DLEC1: variants seen among roughly 807,000 people sequenced by gnomAD.
DLEC1 encodes deleted in lung and esophageal cancer protein 1.
DLEC1 carries 146 observed loss-of-function variants against 198.1 expected under a neutral mutation model. That is an observed-to-expected ratio of 0.74 (90% CI 0.64 to 0.85). The LOEUF (loss-of-function observed/expected upper bound fraction) is 0.85, where lower values mean the gene tolerates loss of function less well. DLEC1 is among the 40% of genes least tolerant of loss of function. The pLI is 0.00. For synonymous variants in DLEC1, 897 were observed against 866.8 expected, an observed-to-expected ratio of 1.03 and a Z score of -0.61; for missense variants, 2,233 against 2,220.0, an observed-to-expected ratio of 1.01 and a Z score of -0.12.
chr3:38,114,871 C>G, intron 26 of DLEC1, 112 bp from the exon 27 acceptor site: 1 of 924,406 alleles, frequency 1.1e-6, no homozygotes, highest in Non-Finnish European at 1.7e-6. Context: ...TCGAGTGAGG[C>G]CAGACCACTG....
intron 3 of DLEC1, among the ~76,000 whole-genome samples, chr3:38,061,273 A>G (rs1041989683): frequency 6.6e-6 from 1 of 152,078 alleles, no homozygotes; most frequent in Non-Finnish European, 1.5e-5. Flanking sequence ...CCTGGGTTCA[A>G]GCGTTTCTCC....
intron 2 of DLEC1, among the ~76,000 whole-genome samples, chr3:38,048,879 A>G (rs1193828615): frequency 6.6e-6 from 1 of 152,178 alleles, no homozygotes; most frequent in Admixed American, 6.5e-5. Context: ...CCTCCACCAC[A>G]GCACAGTGTA....
chr3:38,062,528 C>T (rs115509072), intron 4 of DLEC1, 53 bp from the exon 5 acceptor site: 4 of 1,603,892 alleles, frequency 2.5e-6, no homozygotes, highest in Non-Finnish European at 3.4e-6. Context: ...AAGATGTCAA[C>T]AAGCACAATC....
intron 6 of DLEC1, among the ~76,000 whole-genome samples, chr3:38,067,985 C>G (rs1279779770): frequency 6.6e-6 from 1 of 152,056 alleles, no homozygotes; most frequent in Non-Finnish European, 1.5e-5. Flanking sequence ...AACTCCTGAC[C>G]TCAGATGATT....
Position 38,122,558 on chromosome 3 carries a change from A to C in DLEC1, c.*146A>C, listed in dbSNP as rs763156117. Reference sequence around the variant, plus strand: ...CTGGAATGGAAGAACCCCCTTCCACAATGGTCTCAGCCTAGGCCCTCATGA... The same window carrying C: ...CTGGAATGGAAGAACCCCCTTCCACCATGGTCTCAGCCTAGGCCCTCATGA... On this transcript the variant is annotated 3_prime_UTR_variant, in exon 37 of 37. Transcript: ENST00000308059. The C allele has an allele frequency of 1.9e-6, 3 of 1,606,916 alleles. No homozygotes were observed. Among genetic ancestry groups the C allele is most frequent in the South Asian group, 1.1e-5 (1 of 90,006 alleles).
chr3:38,123,033 G>T lies in DLEC1; in HGVS notation c.*621G>T. Reference sequence around the variant, plus strand: ...CAGGACTGTCTGCGTAGCGCCTCCAGCCTGGGACCTCACTCAGTTCCCAGG... The same window carrying T: ...CAGGACTGTCTGCGTAGCGCCTCCATCCTGGGACCTCACTCAGTTCCCAGG... On this transcript the variant is annotated 3_prime_UTR_variant, in exon 37 of 37. Coordinates refer to ENST00000308059, the MANE Select transcript of DLEC1 (RefSeq NM_007335.4). 1 of 1,613,530 alleles carries T rather than the reference G, an allele frequency of 6.2e-7. No homozygotes were observed. Among genetic ancestry groups the T allele is most frequent in the South Asian group, 1.1e-5 (1 of 91,056 alleles).
intron 6 of DLEC1, among the ~76,000 whole-genome samples, chr3:38,077,152 G>A (rs1697671097): frequency 6.6e-6 from 1 of 152,210 alleles, no homozygotes. Context: ...TACTTCAAGA[G>A]TTAAGAATGG....
rs375094703 is a variant in DLEC1 at position 38,093,704 on chromosome 3, T to C, written c.1856T>C (p.Ile619Thr). Residue 619 changes from isoleucine to threonine, a missense_variant, in exon 12 of 37, where the codon ATA (isoleucine) becomes ACA (threonine). Coordinates refer to ENST00000308059, the MANE Select transcript of DLEC1 (RefSeq NM_007335.4). ...ELTDLTAQHF[I>T]RFEPENLRST... ...ACAGACTTAACAGCCCAGCACTTCA[T>C]ACGATTTGAGCCTGAAAACCTTCGG... 1.1e-5 allele frequency: 17 copies of C among 1,614,064 alleles called. No homozygotes were observed. Among genetic ancestry groups the C allele is most frequent in the Non-Finnish European group, 1.4e-5 (16 of 1,180,030 alleles).
rs763518710 is a variant in DLEC1, at chr3:38,122,220, A to G, written c.5144+26A>G. The stretch of plus-strand genomic sequence containing the variant: ...GTGCAGCCCCTTCCAACCTTCCCCA[A>G]ACTGCCCACAGAGCCTGGACCCCCT... On this transcript the variant is annotated intron_variant, in intron 36 of 36. Coordinates refer to ENST00000308059, the MANE Select transcript of DLEC1 (RefSeq NM_007335.4). 11 of 1,610,848 alleles carry G rather than the reference A, an allele frequency of 6.8e-6. No homozygotes were observed. In the South Asian group the frequency reaches 1.2e-4, roughly 18 times the overall value.
intron 1 of DLEC1, among the ~76,000 whole-genome samples, chr3:38,042,911 C>G (rs1265475597): frequency 2.6e-5 from 4 of 152,092 alleles, no homozygotes; most frequent in Non-Finnish European, 5.9e-5. Flanking sequence ...GTCATCTGTT[C>G]TTTGCTTTTC....
At position 38,084,180 on chromosome 3, in the gene DLEC1, C is replaced by A. The variant is rs778396377; in HGVS notation, c.1196C>A (p.Thr399Asn). 2 of 1,613,114 alleles carry A rather than the reference C, an allele frequency of 1.2e-6. No individual in the cohort carries two copies. The highest frequency in any genetic ancestry group is 2.2e-5 in the South Asian group (2 of 91,078). The change falls in exon 7 of 37, where the codon ACC (threonine) becomes AAC (asparagine). Residue 399 changes from threonine (T) to asparagine (N), a missense_variant. By Grantham distance (65) the Thr-to-Asn change is moderately conservative (BLOSUM62 0). Coordinates refer to ENST00000308059, the MANE Select transcript of DLEC1 (RefSeq NM_007335.4). ...CAGATGGTAATTGCGCTGCAGAACA[C>A]CACCACGACCAGCCGCTACCTGCGA... The part of the protein sequence containing the change: ...VYEMVIALQN[T>N]TTTSRYLRVL...
intron 16 of DLEC1, 47 bp downstream of exon 16, chr3:38,097,322 T>C: frequency 6.4e-7 from 1 of 1,551,572 alleles, no homozygotes; most frequent in Non-Finnish European, 8.7e-7. Context: ...TGGGGCTGGC[T>C]CAGGAAGAAA....
At chr3:38,114,116 A>G (rs991903750) in intron 25 of DLEC1, among the ~76,000 whole-genome samples, 4 of 150,832 alleles carry the variant, frequency 2.7e-5, no homozygotes, top group African/African-American at 9.7e-5. Flanking sequence ...CTACTAAAAA[A>G]AAAAAAAAAA....
intron 34 of DLEC1, 88 bp from the exon 35 acceptor site, chr3:38,121,540 G>A (rs550543014): frequency 1.4e-5 from 21 of 1,500,644 alleles, no homozygotes; most frequent in Non-Finnish European, 1.8e-5. Flanking sequence ...AGGAGCATCA[G>A]CACTTGGGGT....
At chr3:38,093,010 T>C (rs1698822028) in intron 11 of DLEC1, 130 bp downstream of exon 11, 5 of 864,632 alleles carry the variant, frequency 5.8e-6, no homozygotes, top group African/African-American at 1.7e-5. Flanking sequence ...TTAAGAATGC[T>C]GCAGCCTCCA....
intron 5 of DLEC1, 84 bp downstream of exon 5, chr3:38,062,885 G>C (rs1222314829): frequency 1.4e-6 from 2 of 1,420,616 alleles, no homozygotes; most frequent in East Asian, 4.8e-5. Flanking sequence ...TCTGGCTGTA[G>C]AGGTCCCTAG....
intron 27 of DLEC1, among the ~76,000 whole-genome samples, chr3:38,115,510 A>AG (rs34740698): frequency 0.2 from 30,499 of 151,952 alleles, 3,734 homozygotes; most frequent in East Asian, 0.33. Flanking sequence ...TGAGTCTAAG[A>AG]GGAAGGGTAA....
chr3:38,097,544 T>TG lies in DLEC1; in HGVS notation c.2477dup (p.Val827CysfsTer12). ...TCGGGGATTTTGAGTTGAACTTTAC[T>TG]GGGGGTGTCCCTGGCCCCACAAGCC... On this transcript the variant is annotated frameshift_variant, in exon 17 of 37. Coordinates refer to ENST00000308059, the MANE Select transcript of DLEC1 (RefSeq NM_007335.4). LOFTEE classifies it high-confidence loss of function. 6.2e-7 allele frequency: 1 copy of TG among 1,614,170 alleles called. No homozygotes were observed. The highest frequency in any genetic ancestry group is 8.5e-7 in the Non-Finnish European group (1 of 1,180,016).
rs773948539 is a variant in DLEC1 at position 38,039,573 on chromosome 3, C to G, written c.348C>G (p.Ser116Arg). The change falls in exon 1 of 37, where the codon AGC becomes AGG. Residue 116 changes from serine to arginine, a missense_variant. Ser to Arg is a moderately radical substitution (Grantham distance 110). Transcript: ENST00000308059. ...AEVIGDEVSASLIKARGSENE... is the reference protein window; with the variant it reads ...AEVIGDEVSARLIKARGSENE... Reference sequence around the variant, plus strand: ...TCATCGGCGACGAAGTGAGCGCAAGCTTGATCAAGGCCCGCGGCAGCGAGA... The same window carrying G: ...TCATCGGCGACGAAGTGAGCGCAAGGTTGATCAAGGCCCGCGGCAGCGAGA... The G allele has an allele frequency of 4.3e-6, 7 of 1,613,568 alleles. No individual in the cohort carries two copies. The Admixed American group carries it at 5.0e-5, about 12-fold the overall frequency.
Sources: gnomAD v4.1 joint callset for allele counts (sites outside exome capture counted in the v4.1 genomes callset) on GRCh38, gnomAD v4.1.1 for gene constraint, MANE v1.5 for transcripts, NCBI Gene and HGNC (gene_info 2026-07-23, HGNC 2026-07-21) for gene names.